The following SIRT2 variants were observed in gnomAD, a reference collection of about 807,000 sequenced individuals.
The protein encoded by SIRT2 is sirtuin 2.
SIRT2 carries 40 observed loss-of-function variants against 57.4 expected under a neutral mutation model. The observed-to-expected ratio is 0.70, with a 90% CI of 0.54 to 0.91. The LOEUF is 0.91. Ranked by LOEUF, SIRT2 falls within the 40% of genes least tolerant of loss-of-function variation. The pLI, the probability that SIRT2 is intolerant of heterozygous loss-of-function variation, is 0.00. For missense variants in SIRT2, 439 were observed against 510.4 expected, an observed-to-expected ratio of 0.86 and a Z score of 1.35; for synonymous variants, 161 against 195.7, an observed-to-expected ratio of 0.82 and a Z score of 1.48.
intron 8 of SIRT2, among the ~76,000 whole-genome samples, chr19:38,888,764 G>C (rs1175575677): frequency 6.6e-6 from 1 of 152,208 alleles, no homozygotes; most frequent in Non-Finnish European, 1.5e-5. Context: ...AGTGCACACA[G>C]AGTCCCTTCA....
Position 38,878,952 on chromosome 19 carries a change from G to A in SIRT2, c.*203C>T. On this transcript the variant is annotated 3_prime_UTR_variant, in exon 16 of 16. Transcript: ENST00000249396. The stretch of plus-strand genomic sequence containing the variant: ...GGGGCTGGTAGAGATGCCTGTTTAA[G>A]CCTTGGCCTCTAGGAGGTGTTAGAG... 1 of 547,866 alleles carries A rather than the reference G, an allele frequency of 1.8e-6. No individual in the cohort carries two copies. The highest frequency in any genetic ancestry group is 2.6e-5 in the South Asian group (1 of 37,810). 33.9% of individuals were successfully genotyped at this position (547,866 alleles called of 1,614,324 possible). A position where few individuals can be genotyped will look rare whatever the true frequency, so the allele number is the denominator to read the frequency against.
chr19:38,880,347 C>T lies in SIRT2; in HGVS notation c.876+338G>A. Reference sequence around the variant, plus strand: ...GAGCACCTGCCCTAGAGTGAGGCTGCCCAGGAAAAACAGACCTGAGAGACC... The same window carrying T: ...GAGCACCTGCCCTAGAGTGAGGCTGTCCAGGAAAAACAGACCTGAGAGACC... On this transcript the variant is annotated intron_variant, in intron 13 of 15. Transcript: ENST00000249396. The surrounding 1 kb of genome is among the most constrained non-coding windows in gnomAD (Gnocchi z 4.1). The T allele has an allele frequency of 6.9e-6, 2 of 288,144 alleles. No individual in the cohort carries two copies. The highest frequency in any genetic ancestry group is 6.4e-5 in the East Asian group (1 of 15,532). 17.8% of individuals were successfully genotyped at this position (288,144 alleles called of 1,614,324 possible).
At chr19:38,881,411 G>A in intron 10 of SIRT2, 21 bp downstream of exon 10, 6 of 1,613,286 alleles carry the variant, frequency 3.7e-6, no homozygotes, top group Middle Eastern at 1.7e-4. Flanking sequence ...CACCTGGGCA[G>A]GTCCCTGGCC....
In SIRT2 at chr19:38,880,529, G is replaced by T. The variant is rs574443060; in HGVS notation, c.876+156C>A. On this transcript the variant is annotated intron_variant, in intron 13 of 15. Coordinates refer to ENST00000249396, the MANE Select transcript of SIRT2 (RefSeq NM_012237.4). The surrounding 1 kb of genome is among the most constrained non-coding windows in gnomAD (Gnocchi z 4.1). ...GCTCAAAAGGGCAGTGAATGTCCCAGAGGCCTGGAACCCGACCCCTCTGGA... is the reference window on the plus strand; with the variant it reads ...GCTCAAAAGGGCAGTGAATGTCCCATAGGCCTGGAACCCGACCCCTCTGGA... 3 of 603,302 alleles carry T rather than the reference G, an allele frequency of 5.0e-6. No individual in the cohort carries two copies. Among genetic ancestry groups the T allele is most frequent in the African/African-American group, 3.7e-5 (2 of 54,590 alleles). The allele number at this position is 603,302 out of a possible 1,614,324, so 37.4% of individuals were successfully genotyped here. A position where few individuals can be genotyped will look rare whatever the true frequency, so the allele number is the denominator to read the frequency against.
At position 38,893,407 on chromosome 19, in the gene SIRT2, G is replaced by C; in HGVS notation, c.226+7C>G. ...GCAAAGTGGCCCAATCCTGACAGGGGACTCACAGCGTTCGCTCTGCATGTA... is the reference window on the plus strand; with the variant it reads ...GCAAAGTGGCCCAATCCTGACAGGGCACTCACAGCGTTCGCTCTGCATGTA... On this transcript the variant is annotated splice_region_variant and intron_variant, in intron 4 of 15. Transcript: ENST00000249396. 10 of 1,588,532 alleles carry C rather than the reference G, an allele frequency of 6.3e-6. No individual in the cohort carries two copies. The highest frequency in any genetic ancestry group is 8.6e-6 in the Non-Finnish European group (10 of 1,156,820).
Position 38,883,609 on chromosome 19 carries a change from G to A in SIRT2, c.631+18C>T. On this transcript the variant is annotated intron_variant, in intron 9 of 15. Transcript: ENST00000249396. ...GTGCTGAGAGGAGGCCTGCCCTCAG[G>A]ATGCCCTCCAGCCTCACCTTTCATC... The A allele has an allele frequency of 6.2e-7, 1 of 1,609,878 alleles. No homozygotes were observed. Among genetic ancestry groups the A allele is most frequent in the Non-Finnish European group, 8.5e-7 (1 of 1,176,862 alleles).
chr19:38,883,186 T>C (rs1384933109), intron 9 of SIRT2, among the ~76,000 whole-genome samples: 1 of 151,032 alleles, frequency 6.6e-6, no homozygotes, highest in Non-Finnish European at 1.5e-5. Context: ...GTTCAAGCGA[T>C]TCTCCTGCCT....
Position 38,878,999 on chromosome 19 carries a change from G to A in SIRT2, c.*156C>T, listed in dbSNP as rs1973030003. On this transcript the variant is annotated 3_prime_UTR_variant, in exon 16 of 16. Coordinates refer to ENST00000249396, the MANE Select transcript of SIRT2 (RefSeq NM_012237.4). ...AGAGATTTGCTGGGGTTGGGGGCCA[G>A]GGTTGCTGGGACCCCAGTTTTGGGG... is the stretch of plus-strand genomic sequence containing the variant. 4.2e-6 allele frequency: 3 copies of A among 715,210 alleles called. No homozygotes were observed. The highest frequency in any genetic ancestry group is 6.6e-6 in the Non-Finnish European group (3 of 455,364). 44.3% of individuals were successfully genotyped at this position (715,210 alleles called of 1,614,324 possible).
rs553733394 is a variant in SIRT2, at chr19:38,882,536, G to A, written c.632-1045C>T. Reference sequence around the variant, plus strand: ...TGTAATCCCAGCTACTTGGGAGGCCGAGGCAGGGAGAATTGCTTGAACCCG... The same window carrying A: ...TGTAATCCCAGCTACTTGGGAGGCCAAGGCAGGGAGAATTGCTTGAACCCG... On this transcript the variant is annotated intron_variant, in intron 9 of 15. Transcript: ENST00000249396. Among the ~76,000 whole-genome samples, 13 of 152,040 alleles carry A rather than the reference G, an allele frequency of 8.6e-5. 1 individual carries two copies. The highest frequency in any genetic ancestry group is 4.2e-4 in the South Asian group (2 of 4,810).
Position 38,894,559 on chromosome 19 carries a change from C to A in SIRT2, c.64-692G>T, listed in dbSNP as rs531850332. 8.6e-4 allele frequency: 267 copies of A among 309,992 alleles called. 1 individual carries two copies. The highest frequency in any genetic ancestry group is 1.4e-3 in the Non-Finnish European group (224 of 157,186). 19.2% of individuals were successfully genotyped at this position (309,992 alleles called of 1,614,324 possible). A position where few individuals can be genotyped will look rare whatever the true frequency, so the allele number is the denominator to read the frequency against. The stretch of plus-strand genomic sequence containing the variant: ...TGGGGTCTTCCCTTCGTTCCCGGGT[C>A]CCCTGGAGCGTGGGCCTGCTGTCCC... On this transcript the variant is annotated intron_variant, in intron 2 of 15. Transcript: ENST00000249396.
At chr19:38,887,473 C>T (rs116548441) in intron 8 of SIRT2, among the ~76,000 whole-genome samples, 1,649 of 152,230 alleles carry the variant, frequency 0.011, 27 homozygotes, top group African/African-American at 0.038. Flanking sequence ...CCCTATGTTG[C>T]CCAGGCTGGT....
chr19:38,893,434 CG>C lies in SIRT2; in HGVS notation c.205del (p.Arg69GlyfsTer39). ...CTCACAGCGTTCGCTCTGCATGTAC[CG>C]GGCCACCCCTTCCAAGGTCAGCTCG... Reference protein sequence around the residue: ...LDELTLEGVARYMQSERCRRV... With the variant: ...LDELTLEGVAXYMQSERCRRV... On this transcript the variant is annotated frameshift_variant, in exon 4 of 16. Coordinates refer to ENST00000249396, the MANE Select transcript of SIRT2 (RefSeq NM_012237.4). LOFTEE classifies it high-confidence loss of function. 1 of 1,613,202 alleles carries C rather than the reference CG, an allele frequency of 6.2e-7. No homozygotes were observed. Among genetic ancestry groups the C allele is most frequent in the Non-Finnish European group, 8.5e-7 (1 of 1,179,190 alleles).
At chr19:38,897,762 G>A (rs192578522) in intron 2 of SIRT2, among the ~76,000 whole-genome samples, 55 of 152,298 alleles carry the variant, frequency 3.6e-4, no homozygotes, top group African/African-American at 1.3e-3. Flanking sequence ...CTGGGCTCAA[G>A]CGATCCTCCT....
intron 3 of SIRT2, 50 bp downstream of exon 3, chr19:38,893,769 C>T (rs756817039): frequency 3.1e-6 from 5 of 1,592,786 alleles, no homozygotes; most frequent in African/African-American, 2.7e-5. Context: ...GCCCTGAAAT[C>T]CCCCCGCCCC....
chr19:38,887,784 G>C (rs1005158968), intron 8 of SIRT2, among the ~76,000 whole-genome samples: 1 of 152,126 alleles, frequency 6.6e-6, no homozygotes, highest in Non-Finnish European at 1.5e-5. Context: ...AATTGAGATG[G>C]AGTCTTGCTC....
At chr19:38,897,503 C>T (rs1337225128) in intron 2 of SIRT2, among the ~76,000 whole-genome samples, 1 of 151,030 alleles carries the variant, frequency 6.6e-6, no homozygotes, top group Non-Finnish European at 1.5e-5. Flanking sequence ...TCCCACAGTA[C>T]CCTGAGTTTC....
At chr19:38,892,744 T>C (rs1031039166) in intron 4 of SIRT2, among the ~76,000 whole-genome samples, 2 of 151,752 alleles carry the variant, frequency 1.3e-5, no homozygotes, top group African/African-American at 2.4e-5. Context: ...GACTATTTTT[T>C]TTTTTCTTGT....
intron 4 of SIRT2, chr19:38,891,738 A>G (rs913338819): frequency 2.6e-6 from 1 of 389,478 alleles, no homozygotes; most frequent in African/African-American, 2.1e-5. Context: ...CCCGGCCTCA[A>G]CTAATTGTTA....
chr19:38,890,897 GCCTCTGGGATGC>G (rs1027505750), intron 4 of SIRT2, among the ~76,000 whole-genome samples: 1 of 152,214 alleles, frequency 6.6e-6, no homozygotes, highest in Non-Finnish European at 1.5e-5. Context: ...TGGATCAGAT[GCCTCTGGGATGC>G]CCTGTCCAAG....
Sources: allele counts gnomAD v4.1 joint callset (sites outside exome capture counted in the v4.1 genomes callset), GRCh38; gene constraint gnomAD v4.1.1; non-coding constraint Gnocchi (gnomAD v3.1); transcripts MANE v1.5; gene names NCBI Gene and HGNC (gene_info 2026-07-23, HGNC 2026-07-21).